The following TNRC6B variants were observed in gnomAD, a reference collection of about 807,000 sequenced individuals.
TNRC6B encodes the protein trinucleotide repeat containing adaptor 6B.
Under a neutral mutation model 203.6 loss-of-function variants are expected in TNRC6B, and 52 were observed. That is an observed-to-expected ratio of 0.26 (90% confidence interval 0.20 to 0.32). The LOEUF is 0.32. Ranked by LOEUF, TNRC6B falls within the 10% of genes least tolerant of loss-of-function variation. TNRC6B has a pLI of 1.00. For synonymous variants in TNRC6B, 838 were observed against 845.7 expected (o/e 0.99, Z 0.16); for missense variants, 1,923 against 2,286.2 (o/e 0.84, Z 3.24).
intron 1 of TNRC6B, chr22:40,106,406 C>G: frequency 9.6e-7 from 1 of 1,044,886 alleles, no homozygotes; most frequent in Admixed American, 1.7e-5. Flanking sequence ...TCTTTTTCTT[C>G]ATTCTGCCTC....
chr22:40,264,489 T>TTAGACTTAACC (rs761829842), intron 4 of TNRC6B, among the ~76,000 whole-genome samples, 199 bp from the exon 5 acceptor site: 41 of 151,880 alleles, frequency 2.7e-4, no homozygotes, highest in Non-Finnish European at 4.6e-4. Context: ...AGAGATGAAG[T>TTAGACTTAACC]TAGACTTAAC....
chr22:40,325,808 A>G lies in TNRC6B; in HGVS notation c.*2567A>G, dbSNP rs1046790786. On this transcript the variant is annotated 3_prime_UTR_variant, in exon 23 of 23. Coordinates refer to ENST00000454349, the MANE Select transcript of TNRC6B (RefSeq NM_001162501.2). ...CCCTGTCCACTGCCGCTCTTGGTTC[A>G]CTGCTGTGTCCTGCCCCACCCTCCT... 6.6e-6 allele frequency: 1 copy of G among 152,642 alleles called. No individual in the cohort carries two copies. The highest frequency in any genetic ancestry group is 1.5e-5 in the Non-Finnish European group (1 of 68,128). 9.5% of individuals were successfully genotyped at this position (152,642 alleles called of 1,614,324 possible). A position where few individuals can be genotyped will look rare whatever the true frequency, so the allele number is the denominator to read the frequency against.
intron 1 of TNRC6B, among the ~76,000 whole-genome samples, chr22:40,046,749 A>G (rs908129244): frequency 6.7e-6 from 1 of 148,596 alleles, no homozygotes; most frequent in African/African-American, 2.5e-5. Flanking sequence ...GGTTCACACC[A>G]TTCTCCTGCC....
intron 4 of TNRC6B, among the ~76,000 whole-genome samples, chr22:40,158,445 G>T (rs1471279942): frequency 6.6e-6 from 1 of 152,100 alleles, no homozygotes; most frequent in Non-Finnish European, 1.5e-5. Context: ...AAAAAAACAG[G>T]TGGAAGTTCT....
intron 21 of TNRC6B, among the ~76,000 whole-genome samples, chr22:40,318,916 C>CA (rs2071296783): frequency 6.6e-6 from 1 of 151,756 alleles, no homozygotes; most frequent in African/African-American, 2.4e-5. Context: ...ACTAAAAAGA[C>CA]AAAAATTAGC....
Position 40,319,850 on chromosome 22 carries a change from G to C in TNRC6B, c.4975-1240G>C, listed in dbSNP as rs2146577167. ...ATTGGTGGTTTCAGGCCTCCACTGGGGGGCCTTGGAAGGTGTTCCCCTCAG... is the reference window on the plus strand; with the variant it reads ...ATTGGTGGTTTCAGGCCTCCACTGGCGGGCCTTGGAAGGTGTTCCCCTCAG... On this transcript the variant is annotated intron_variant, in intron 21 of 22. Coordinates refer to ENST00000454349, the MANE Select transcript of TNRC6B (RefSeq NM_001162501.2). 2.0e-5 allele frequency among the ~76,000 whole-genome samples: 3 copies of C among 152,272 alleles called. No individual in the cohort carries two copies. The Middle Eastern group carries it at 0.01, about 518-fold the overall frequency.
At chr22:40,103,839 C>T (rs1366282020) in intron 1 of TNRC6B, among the ~76,000 whole-genome samples, 7 of 151,582 alleles carry the variant, frequency 4.6e-5, no homozygotes, top group Admixed American at 1.3e-4. Context: ...GACAGGGTTT[C>T]GCCATGTTGA....
At chr22:40,140,138 T>A (rs1210791477) in intron 3 of TNRC6B, among the ~76,000 whole-genome samples, 1 of 152,190 alleles carries the variant, frequency 6.6e-6, no homozygotes, top group Non-Finnish European at 1.5e-5. Context: ...AGTCTTATGC[T>A]TTAAGTTCAA....
chr22:40,165,120 G>T (rs1357521211), intron 4 of TNRC6B, among the ~76,000 whole-genome samples: 2 of 147,720 alleles, frequency 1.4e-5, no homozygotes, highest in Admixed American at 6.7e-5. Context: ...TTGAGACAGG[G>T]TCTTACTTTG....
intron 3 of TNRC6B, among the ~76,000 whole-genome samples, chr22:40,127,684 C>T (rs1004355822): frequency 6.6e-6 from 1 of 152,108 alleles, no homozygotes; most frequent in Admixed American, 6.5e-5. Context: ...CCAGCCTAGG[C>T]AACATGACAA....
intron 19 of TNRC6B, among the ~76,000 whole-genome samples, chr22:40,314,499 A>G (rs1343361316): frequency 6.6e-6 from 1 of 152,246 alleles, no homozygotes; most frequent in African/African-American, 2.4e-5. Flanking sequence ...TTGGGGGGGA[A>G]CATATTCCAT....
At chr22:40,286,707 G>T (rs1365944266) in intron 12 of TNRC6B, among the ~76,000 whole-genome samples, 2 of 152,194 alleles carry the variant, frequency 1.3e-5, no homozygotes, top group African/African-American at 2.4e-5. Context: ...AACCATTTAG[G>T]TCTGTCCCTT....
intron 1 of TNRC6B, among the ~76,000 whole-genome samples, chr22:40,098,384 CAAAAAA>C (rs1056495905): frequency 1.4e-4 from 7 of 51,490 alleles, no homozygotes; most frequent in South Asian, 9.8e-4. Flanking sequence ...GACTCCGTCT[CAAAAAA>C]AAAAAAAAAA....
intron 1 of TNRC6B, among the ~76,000 whole-genome samples, chr22:40,183,571 A>C (rs1363314694): frequency 6.6e-6 from 1 of 152,152 alleles, no homozygotes; most frequent in African/African-American, 2.4e-5. Flanking sequence ...AGCAATTTCA[A>C]ATGAATTGGT....
At chr22:40,145,089 T>TAAAAA (rs1401644411) in intron 3 of TNRC6B, among the ~76,000 whole-genome samples, 76 of 118,286 alleles carry the variant, frequency 6.4e-4, no homozygotes, top group Middle Eastern at 8.7e-3. Flanking sequence ...AAAAAAAAAT[T>TAAAAA]TTTTTAATTA....
intron 21 of TNRC6B, among the ~76,000 whole-genome samples, chr22:40,317,765 A>T (rs912787927): frequency 6.6e-6 from 1 of 152,220 alleles, no homozygotes; most frequent in Admixed American, 6.5e-5. Flanking sequence ...AGGTATTTGC[A>T]GAAGCATTAT....
rs907707742 is a variant in TNRC6B at position 40,129,888 on chromosome 22, T to C, written c.45+4026T>C. Among the ~76,000 whole-genome samples, 9 of 152,160 alleles carry C rather than the reference T, an allele frequency of 5.9e-5. No individual in the cohort carries two copies. The East Asian group carries it at 1.7e-3, about 29-fold the overall frequency. On this transcript the variant is annotated intron_variant, in intron 3 of 23. Transcript: ENST00000301923. ...TACATAGGAGTTTATTTGTATTTACTTTGTACATGTTTTAAATTTTCTATG... is the reference window on the plus strand; with the variant it reads ...TACATAGGAGTTTATTTGTATTTACCTTGTACATGTTTTAAATTTTCTATG...
chr22:40,265,759 A>T lies in TNRC6B; in HGVS notation c.1529A>T (p.Glu510Val). 1 of 1,614,004 alleles carries T rather than the reference A, an allele frequency of 6.2e-7. No homozygotes were observed. Among genetic ancestry groups the T allele is most frequent in the Non-Finnish European group, 8.5e-7 (1 of 1,179,886 alleles). Residue 510 changes from glutamate to valine, a missense_variant, in exon 5 of 23, where the codon GAA becomes GTA. Coordinates refer to ENST00000454349, the MANE Select transcript of TNRC6B (RefSeq NM_001162501.2). ...NKMTSGVSQG[E>V]WKQPTGSDEL... ...ATGACATCTGGGGTCTCTCAGGGAGAATGGAAACAGCCGACTGGGTCTGAT... is the reference window on the plus strand; with the variant it reads ...ATGACATCTGGGGTCTCTCAGGGAGTATGGAAACAGCCGACTGGGTCTGAT...
intron 1 of TNRC6B, among the ~76,000 whole-genome samples, chr22:40,239,607 A>G (rs1037468953): frequency 2.6e-5 from 4 of 152,156 alleles, no homozygotes; most frequent in African/African-American, 4.8e-5. Flanking sequence ...GGAAAATGTA[A>G]AAGCTAGAAC....
Sources: allele counts gnomAD v4.1 joint callset (sites outside exome capture counted in the v4.1 genomes callset), GRCh38; gene constraint gnomAD v4.1.1; transcripts MANE v1.5; gene names NCBI Gene and HGNC (gene_info 2026-07-23, HGNC 2026-07-21).